Variants in SUGCT observed in about 807,000 individuals in gnomAD.
The protein encoded by SUGCT is succinyl-CoA:glutarate-CoA transferase, also known as succinyl-CoA:glutarate CoA-transferase.
A neutral mutation model predicts 55.0 loss-of-function variants in SUGCT; 41 were observed. That is an observed-to-expected ratio of 0.74 (90% confidence interval 0.58 to 0.97). The LOEUF (loss-of-function observed/expected upper bound fraction) is 0.97, where lower values mean the gene tolerates loss of function less well. Among genes scored for constraint, SUGCT ranks in the 50% least tolerant of loss-of-function variants. SUGCT has a pLI of 0.00. For missense variants in SUGCT, 568 were observed against 547.8 expected (o/e 1.04, Z -0.37); for synonymous variants, 187 against 200.4 (o/e 0.93, Z 0.56).
At chr7:40,841,327 T>A (rs1329417690) in intron 13 of SUGCT, among the ~76,000 whole-genome samples, 4 of 152,152 alleles carry the variant, frequency 2.6e-5, no homozygotes, top group African/African-American at 9.7e-5. Flanking sequence ...CCTTTAGACT[T>A]AGAGACCTAA....
Position 40,174,471 on chromosome 7 carries a change from C to T in SUGCT, c.101-6476C>T, listed in dbSNP as rs190119365. Among the ~76,000 whole-genome samples, 323 of 152,240 alleles carry T rather than the reference C, an allele frequency of 2.1e-3. 1 individual carries two copies. Among genetic ancestry groups the T allele is most frequent in the African/African-American group, 7.2e-3 (299 of 41,554 alleles). The stretch of plus-strand genomic sequence containing the variant: ...ATAGTGTTATTATATGTAAGTCATT[C>T]TTCAATAAAGTTAATTAGGTGCTGG... On this transcript the variant is annotated intron_variant, in intron 1 of 13. Transcript: ENST00000335693.
intron 9 of SUGCT, among the ~76,000 whole-genome samples, chr7:40,425,605 C>G (rs916768635): frequency 7.2e-5 from 11 of 152,034 alleles, no homozygotes; most frequent in Admixed American, 2.0e-4. Context: ...GTGCTGGGGT[C>G]TACAAAGTGA....
chr7:40,629,916 A>C (rs1450438205), intron 12 of SUGCT, among the ~76,000 whole-genome samples: 1 of 152,200 alleles, frequency 6.6e-6, no homozygotes, highest in Admixed American at 6.5e-5. Context: ...GAGAAGCTAC[A>C]GGGTTTGAAA....
At chr7:40,266,150 GT>G (rs201634226) in intron 7 of SUGCT, among the ~76,000 whole-genome samples, 1 of 142,288 alleles carries the variant, frequency 7.0e-6, no homozygotes, top group Non-Finnish European at 1.5e-5. Flanking sequence ...TTTTGAAATA[GT>G]TTTTTTTCTT....
intron 1 of SUGCT, among the ~76,000 whole-genome samples, chr7:40,138,867 AT>A (rs1189928913): frequency 6.6e-6 from 1 of 152,094 alleles, no homozygotes; most frequent in Non-Finnish European, 1.5e-5. Context: ...TATACAAACT[AT>A]TTTTGTTTCC....
In SUGCT at chr7:40,551,119, C is replaced by G. The variant is rs180787076; in HGVS notation, c.1089+54733C>G. ...CCCTCTGTATTCAAGTGGGCATGCTCTTTGCCCAGCAGGTTCTCCTAGGAC... is the reference window on the plus strand; with the variant it reads ...CCCTCTGTATTCAAGTGGGCATGCTGTTTGCCCAGCAGGTTCTCCTAGGAC... On this transcript the variant is annotated intron_variant, in intron 12 of 13. Coordinates refer to ENST00000335693, the MANE Select transcript of SUGCT (RefSeq NM_001193313.2). Among the ~76,000 whole-genome samples the G allele has an allele frequency of 2.5e-3, 383 of 152,276 alleles. 1 individual carries two copies. Among genetic ancestry groups the G allele is most frequent in the African/African-American group, 8.4e-3 (350 of 41,556 alleles).
chr7:40,434,090 C>T (rs908386198), intron 9 of SUGCT, among the ~76,000 whole-genome samples: 5 of 152,012 alleles, frequency 3.3e-5, no homozygotes, highest in East Asian at 1.9e-4. Flanking sequence ...AAATTTTTTT[C>T]GTGTTGTTTT....
At chr7:40,324,047 C>T (rs988885637) in intron 9 of SUGCT, among the ~76,000 whole-genome samples, 43 of 151,868 alleles carry the variant, frequency 2.8e-4, no homozygotes, top group African/African-American at 9.4e-4. Context: ...AAGAGAACTA[C>T]CTTATCTTTT....
At chr7:40,858,779 A>C (rs1794333671) in intron 13 of SUGCT, among the ~76,000 whole-genome samples, 1 of 152,204 alleles carries the variant, frequency 6.6e-6, no homozygotes, top group African/African-American at 2.4e-5. Flanking sequence ...ATTTAAAAGA[A>C]AATGTGAGAA....
intron 8 of SUGCT, among the ~76,000 whole-genome samples, chr7:40,308,340 A>G (rs1188080241): frequency 1.3e-5 from 2 of 152,156 alleles, no homozygotes; most frequent in African/African-American, 4.8e-5. Flanking sequence ...CCATTCGTCA[A>G]CTATGAGACC....
chr7:40,328,663 G>A lies in SUGCT; in HGVS notation c.816+11808G>A, dbSNP rs1023174865. 7.9e-5 allele frequency among the ~76,000 whole-genome samples: 12 copies of A among 152,096 alleles called. No homozygotes were observed. The South Asian group carries it at 8.3e-4, about 11-fold the overall frequency. On this transcript the variant is annotated intron_variant, in intron 9 of 13. Transcript: ENST00000335693. Reference sequence around the variant, plus strand: ...TAAAACTCATTACTTGTCCTAGATCGATCATCTTGTACTGAAGGACTTTAT... The same window carrying A: ...TAAAACTCATTACTTGTCCTAGATCAATCATCTTGTACTGAAGGACTTTAT...
chr7:40,538,865 C>T (rs1167596861), intron 12 of SUGCT: 1 of 152,092 alleles, frequency 6.6e-6, no homozygotes, highest in Admixed American at 6.6e-5. Context: ...ATCATGAGGT[C>T]AGGAGATTAA....
At chr7:40,839,713 G>C (rs553074046) in intron 13 of SUGCT, among the ~76,000 whole-genome samples, 2 of 143,946 alleles carry the variant, frequency 1.4e-5, no homozygotes, top group South Asian at 4.5e-4. Flanking sequence ...TGCAGGATCT[G>C]GAGTGATGTC....
chr7:40,625,115 C>G (rs1799464194), intron 12 of SUGCT, among the ~76,000 whole-genome samples: 1 of 152,032 alleles, frequency 6.6e-6, no homozygotes, highest in African/African-American at 2.4e-5. Context: ...CAATGCCATC[C>G]CCCAGATTTC....
intron 13 of SUGCT, among the ~76,000 whole-genome samples, chr7:40,802,331 C>CCA (rs375175560): frequency 0.019 from 2,802 of 150,782 alleles, 30 homozygotes; most frequent in South Asian, 0.04. Context: ...CACGCACACA[C>CCA]CACACACACA....
intron 6 of SUGCT, among the ~76,000 whole-genome samples, chr7:40,218,960 C>G (rs761690793): frequency 6.6e-6 from 1 of 152,198 alleles, no homozygotes; most frequent in African/African-American, 2.4e-5. Context: ...CCAAGTTGTG[C>G]CAGCTACATT....
chr7:40,833,644 G>A (rs1171702812), intron 13 of SUGCT, among the ~76,000 whole-genome samples: 2 of 152,172 alleles, frequency 1.3e-5, no homozygotes, highest in African/African-American at 2.4e-5. Flanking sequence ...ATCTTGGCAC[G>A]TGCTACATCA....
chr7:41,018,486 G>T, the SUGCT span, among the ~76,000 whole-genome samples: 1 of 152,222 alleles, frequency 6.6e-6, no homozygotes, highest in East Asian at 1.9e-4. Context: ...TTCACCTGCA[G>T]AAGATTCAAG....
chr7:40,255,656 G>C (rs1320942547), intron 7 of SUGCT, among the ~76,000 whole-genome samples: 6 of 73,732 alleles, frequency 8.1e-5, no homozygotes, highest in Non-Finnish European at 1.4e-4. Flanking sequence ...GTGAGACTCT[G>C]TATCAAAAAA....
Sources: gnomAD v4.1 joint callset for allele counts (sites outside exome capture counted in the v4.1 genomes callset) on GRCh38, gnomAD v4.1.1 for gene constraint, MANE v1.5 for transcripts, NCBI Gene and HGNC (gene_info 2026-07-23, HGNC 2026-07-21) for gene names.